AFF4: variants seen among roughly 807,000 people sequenced by gnomAD.
AFF4 encodes the protein AF4/FMR2 family member 4.
AFF4 carries 13 observed loss-of-function variants against 124.8 expected under a neutral mutation model. The observed-to-expected ratio is 0.10, with a 90% CI of 0.07 to 0.17. The LOEUF is 0.17. AFF4 is among the 10% of genes least tolerant of loss of function. The pLI, the probability that AFF4 is intolerant of heterozygous loss-of-function variation, is 1.00. For synonymous variants in AFF4, 477 were observed against 496.1 expected, an observed-to-expected ratio of 0.96 and a Z score of 0.51; for missense variants, 1,092 against 1,403.8, an observed-to-expected ratio of 0.78 and a Z score of 3.55.
chr5:132,922,942 C>G (rs867765978), intron 5 of AFF4, among the ~76,000 whole-genome samples: 1 of 151,628 alleles, frequency 6.6e-6, no homozygotes, highest in Non-Finnish European at 1.5e-5. Context: ...TTTGGGAGGC[C>G]GAGGTGGGCA....
At chr5:132,910,959 C>A (rs755671257) in intron 5 of AFF4, among the ~76,000 whole-genome samples, 13 of 152,164 alleles carry the variant, frequency 8.5e-5, no homozygotes, top group Admixed American at 3.9e-4. Context: ...ACTGGAAAAT[C>A]TCCCAAGCTA....
chr5:132,950,522 G>A (rs1180296700), intron 1 of AFF4, among the ~76,000 whole-genome samples: 2 of 151,694 alleles, frequency 1.3e-5, no homozygotes, highest in Non-Finnish European at 2.9e-5. Flanking sequence ...GGTGGTGGGC[G>A]CCTGTAATCC....
In AFF4 at chr5:132,896,515, G is replaced by A; in HGVS notation, c.2115C>T (p.Leu705=). 2 of 1,614,168 alleles carry A rather than the reference G, an allele frequency of 1.2e-6. No individual in the cohort carries two copies. The highest frequency in any genetic ancestry group is 1.7e-6 in the Non-Finnish European group (2 of 1,180,018). ...PMEEKELLSP[L]SEPDDRYPLI... Reference sequence around the variant, plus strand: ...GTGGGTACCTGTCATCAGGCTCACTGAGGGGTGAAAGAAGTTCCTTCTCTT... The same window carrying A: ...GTGGGTACCTGTCATCAGGCTCACTAAGGGGTGAAAGAAGTTCCTTCTCTT... The change falls in exon 11 of 21, where the codon CTC becomes CTT. Residue 705 remains leucine (L), a synonymous_variant. Transcript: ENST00000265343.
intron 5 of AFF4, among the ~76,000 whole-genome samples, chr5:132,909,339 C>T (rs1451780936): frequency 2.0e-5 from 3 of 151,992 alleles, no homozygotes; most frequent in East Asian, 1.9e-4. Context: ...GAGATGGGGC[C>T]GCCATGGTGG....
At chr5:132,928,718 T>C (rs1232357293) in intron 4 of AFF4, among the ~76,000 whole-genome samples, 6 of 152,204 alleles carry the variant, frequency 3.9e-5, no homozygotes, top group East Asian at 1.9e-4. Context: ...TATGTAATGA[T>C]GTCCACAGTA....
At chr5:132,962,706 G>C (rs1396409430) in intron 1 of AFF4, among the ~76,000 whole-genome samples, 1 of 151,862 alleles carries the variant, frequency 6.6e-6, no homozygotes, top group Non-Finnish European at 1.5e-5. Context: ...GTAACAGACC[G>C]ATTCAGAAGT....
At chr5:132,896,265 T>G in intron 11 of AFF4, 58 bp downstream of exon 11, 2 of 1,520,266 alleles carry the variant, frequency 1.3e-6, no homozygotes, top group Non-Finnish European at 1.8e-6. Context: ...TTACTGAGAT[T>G]TCCACCGCAT....
chr5:132,938,593 AGT>A (rs1300334519), intron 1 of AFF4, among the ~76,000 whole-genome samples: 2 of 152,032 alleles, frequency 1.3e-5, no homozygotes, highest in Non-Finnish European at 2.9e-5. Context: ...GGTTAGAACT[AGT>A]GAAAGCAAAC....
At chr5:132,916,988 T>C (rs1440673537) in intron 5 of AFF4, among the ~76,000 whole-genome samples, 1 of 152,142 alleles carries the variant, frequency 6.6e-6, no homozygotes, top group Non-Finnish European at 1.5e-5. Flanking sequence ...TGGGGTGATC[T>C]TGGCTCACCG....
intron 13 of AFF4, among the ~76,000 whole-genome samples, chr5:132,890,807 T>C (rs1463822675): frequency 2.0e-5 from 3 of 152,062 alleles, no homozygotes; most frequent in African/African-American, 7.3e-5. Flanking sequence ...CCAACAAATA[T>C]TTCCTCATTA....
intron 9 of AFF4, among the ~76,000 whole-genome samples, chr5:132,898,847 A>G (rs1760477797): frequency 6.6e-6 from 1 of 152,210 alleles, no homozygotes; most frequent in Admixed American, 6.5e-5. Context: ...CCAGAGCTTC[A>G]CTGTAAATGA....
chr5:132,895,281 T>A (rs1427192639), intron 11 of AFF4, among the ~76,000 whole-genome samples: 2 of 152,210 alleles, frequency 1.3e-5, no homozygotes, highest in Admixed American at 6.5e-5. Flanking sequence ...GTGGACAATT[T>A]CAATTTTTAA....
rs1289959096 is a variant in AFF4 at position 132,880,439 on chromosome 5, T to C, written c.*620A>G. ...ACATGTAGAATGCCATTTTCTCATA[T>C]TTAAGTGATTTTTTCATGTGTAGAA... On this transcript the variant is annotated 3_prime_UTR_variant, in exon 21 of 21. Transcript: ENST00000265343. The C allele has an allele frequency of 2.5e-6, 1 of 398,052 alleles. No individual in the cohort carries two copies. Among genetic ancestry groups the C allele is most frequent in the East Asian group, 3.6e-5 (1 of 27,994 alleles). 24.7% of individuals were successfully genotyped at this position (398,052 alleles called of 1,614,324 possible).
rs77198378 is a variant in AFF4, at chr5:132,915,960, A to C, written c.1050+11161T>G. 4.3e-3 allele frequency among the ~76,000 whole-genome samples: 649 copies of C among 152,114 alleles called. 2 individuals are homozygous for C. Among genetic ancestry groups the C allele is most frequent in the African/African-American group, 0.015 (630 of 41,508 alleles). On this transcript the variant is annotated intron_variant, in intron 5 of 20. Coordinates refer to ENST00000265343, the MANE Select transcript of AFF4 (RefSeq NM_014423.4). ...CATTAGAAACTTAAGGCTTTTGTTT[A>C]AGAATTGCTTAAGGCCAGGTGTGGT...
intron 1 of AFF4, chr5:132,944,878 C>T (rs1425420806): frequency 2.0e-5 from 3 of 149,508 alleles, no homozygotes; most frequent in Non-Finnish European, 3.0e-5. Context: ...TGCAGTGAGC[C>T]GTGACCATGT....
chr5:132,909,301 C>T (rs899103563), intron 5 of AFF4, among the ~76,000 whole-genome samples: 11 of 151,950 alleles, frequency 7.2e-5, no homozygotes, highest in African/African-American at 2.7e-4. Context: ...CATGCCACCA[C>T]GCCCAGCTAA....
rs977784755 is a variant in AFF4, at chr5:132,963,631, T to C, written c.-377A>G. ...GGACTCCTGCAGCCAGGGCTGTGAC[T>C]GACGCAGCGGCCGTGCCACCATGTG... On this transcript the variant is annotated 5_prime_UTR_variant, in exon 1 of 21. Coordinates refer to ENST00000265343, the MANE Select transcript of AFF4 (RefSeq NM_014423.4). 9.6e-5 allele frequency: 38 copies of C among 396,662 alleles called. No individual in the cohort carries two copies. Among genetic ancestry groups the C allele is most frequent in the Non-Finnish European group, 1.4e-4 (32 of 225,152 alleles). The allele number at this position is 396,662 out of a possible 1,614,324, so 24.6% of individuals were successfully genotyped here.
chr5:132,908,499 T>G (rs1011319831), intron 5 of AFF4, among the ~76,000 whole-genome samples: 1 of 151,950 alleles, frequency 6.6e-6, no homozygotes, highest in Admixed American at 6.6e-5. Flanking sequence ...GAATTAGATT[T>G]CCATGTTCCT....
At chr5:132,918,490 C>A (rs117231409) in intron 5 of AFF4, among the ~76,000 whole-genome samples, 12 of 152,066 alleles carry the variant, frequency 7.9e-5, no homozygotes, top group African/African-American at 2.9e-4. Context: ...GGTAAAACCT[C>A]GTCTCTACTA....
Sources: allele counts gnomAD v4.1 joint callset (sites outside exome capture counted in the v4.1 genomes callset), GRCh38; gene constraint gnomAD v4.1.1; transcripts MANE v1.5; gene names NCBI Gene and HGNC (gene_info 2026-07-23, HGNC 2026-07-21).